Variants in ABCA8 observed in about 807,000 individuals in gnomAD.
The protein encoded by ABCA8 is ABC-type organic anion transporter ABCA8.
In ABCA8, 177 loss-of-function variants were observed where a neutral mutation model predicts 192.3. The observed-to-expected ratio is 0.92, with a 90% CI of 0.81 to 1.04. ABCA8 has a LOEUF of 1.04. Among genes scored for constraint, ABCA8 ranks in the 50% least tolerant of loss-of-function variants. ABCA8 has a pLI of 0.00. For missense variants in ABCA8, 1,915 were observed against 1,904.8 expected (o/e 1.01, Z -0.10); for synonymous variants, 642 against 690.2 (o/e 0.93, Z 1.09).
chr17:68,919,173 A>T, intron 14 of ABCA8, 128 bp downstream of exon 14: 1 of 857,474 alleles, frequency 1.2e-6, no homozygotes, highest in Non-Finnish European at 1.8e-6. Flanking sequence ...GCTATTGTTT[A>T]AATTGGATTT....
At chr17:68,926,012 G>T (rs1477987272) in intron 10 of ABCA8, among the ~76,000 whole-genome samples, 2 of 152,048 alleles carry the variant, frequency 1.3e-5, no homozygotes, top group Admixed American at 6.5e-5. Context: ...AAAAAGCATG[G>T]ATGTGAAAGA....
chr17:68,951,838 G>A (rs566239931), intron 1 of ABCA8, among the ~76,000 whole-genome samples: 4 of 152,230 alleles, frequency 2.6e-5, no homozygotes, highest in East Asian at 1.9e-4. Flanking sequence ...AATGCATTAT[G>A]TTTAGAAATC....
chr17:68,904,625 A>G (rs963560257), intron 19 of ABCA8, among the ~76,000 whole-genome samples: 6 of 152,332 alleles, frequency 3.9e-5, no homozygotes, highest in African/African-American at 1.4e-4. Context: ...GTGGGCTGAT[A>G]TAACTGACTA....
At chr17:68,895,576 T>G (rs2066729754) in intron 21 of ABCA8, among the ~76,000 whole-genome samples, 1 of 152,134 alleles carries the variant, frequency 6.6e-6, no homozygotes, top group African/African-American at 2.4e-5. Flanking sequence ...GTAAGAACAC[T>G]GAGAAATTGT....
intron 14 of ABCA8, among the ~76,000 whole-genome samples, 188 bp from the exon 15 acceptor site, chr17:68,918,734 C>T (rs774634787): frequency 8.5e-5 from 13 of 152,172 alleles, no homozygotes; most frequent in Non-Finnish European, 1.8e-4. Context: ...GAGTTCGAGA[C>T]CAGCCTGGCC....
intron 37 of ABCA8, among the ~76,000 whole-genome samples, chr17:68,872,658 CAT>C (rs1481452080): frequency 6.6e-6 from 1 of 151,744 alleles, no homozygotes; most frequent in Non-Finnish European, 1.5e-5. Context: ...GACAGCTCCA[CAT>C]GTGTCATTGC....
chr17:68,893,901 C>T (rs1331696409), intron 23 of ABCA8: 1 of 126,786 alleles, frequency 7.9e-6, no homozygotes, highest in Non-Finnish European at 1.6e-5. Flanking sequence ...CCCACCCCAC[C>T]ACAGTCCCCA....
intron 17 of ABCA8, among the ~76,000 whole-genome samples, chr17:68,913,437 C>T (rs751179488): frequency 1.3e-5 from 2 of 150,216 alleles, no homozygotes; most frequent in East Asian, 2.0e-4. Flanking sequence ...ATAAACAATA[C>T]AAAAAGTTGA....
In ABCA8 at chr17:68,883,804, C is replaced by A. The variant is rs1450836729; in HGVS notation, c.3694G>T (p.Asp1232Tyr). 1 of 1,585,260 alleles carries A rather than the reference C, an allele frequency of 6.3e-7. No homozygotes were observed. Among genetic ancestry groups the A allele is most frequent in the Non-Finnish European group, 8.6e-7 (1 of 1,167,386 alleles). Reference protein sequence around the residue: ...WKFGKKSMRKDPFFRISPRSS... With the variant: ...WKFGKKSMRKYPFFRISPRSS... ...GTTTTTTCCAACCTAAAGAAAGGATCCTTTCTCATTGATTTCTTTCCAAAC... is the reference window on the plus strand; with the variant it reads ...GTTTTTTCCAACCTAAAGAAAGGATACTTTCTCATTGATTTCTTTCCAAAC... Residue 1232 changes from aspartate (D) to tyrosine (Y), a missense_variant, in exon 29 of 40, where the codon GAT (aspartate) becomes TAT (tyrosine). Asp to Tyr is a radical substitution (Grantham distance 160). Coordinates refer to ENST00000586539, the MANE Select transcript of ABCA8 (RefSeq NM_001288985.2).
intron 11 of ABCA8, among the ~76,000 whole-genome samples, chr17:68,923,209 T>TTA (rs1344255106): frequency 6.6e-4 from 59 of 89,256 alleles, no homozygotes; most frequent in Middle Eastern, 9.8e-3. Context: ...TATTATTATT[T>TTA]TTTTTTTTGA....
intron 23 of ABCA8, 35 bp downstream of exon 23, chr17:68,894,138 G>A: frequency 8.7e-6 from 14 of 1,601,976 alleles, no homozygotes; most frequent in Non-Finnish European, 1.2e-5. Context: ...TCCTGATAGA[G>A]GAGAGTCAGG....
chr17:68,922,410 G>A (rs867567429), intron 11 of ABCA8, 110 bp from the exon 12 acceptor site: 11 of 744,854 alleles, frequency 1.5e-5, no homozygotes, highest in African/African-American at 5.5e-5. Flanking sequence ...GAAGATCTGG[G>A]TCTTCACTCT....
Position 68,867,845 on chromosome 17 carries a change from A to T in ABCA8, c.*240T>A. The T allele has an allele frequency of 2.4e-6, 1 of 408,392 alleles. No homozygotes were observed. 25.3% of individuals were successfully genotyped at this position (408,392 alleles called of 1,614,324 possible). ...AATTTATTTATTCAGTATTATACAG[A>T]ACAATGGAACCAGTATGGCCTGCAG... On this transcript the variant is annotated 3_prime_UTR_variant, in exon 40 of 40. Transcript: ENST00000586539.
At chr17:68,937,609 A>C (rs2068104442) in intron 4 of ABCA8, among the ~76,000 whole-genome samples, 1 of 152,158 alleles carries the variant, frequency 6.6e-6, no homozygotes, top group South Asian at 2.1e-4. Context: ...CACTGAAAGA[A>C]TCCCTCTTTT....
At position 68,887,142 on chromosome 17, in the gene ABCA8, A is replaced by G; in HGVS notation, c.3316-12T>C. On this transcript the variant is annotated splice_polypyrimidine_tract_variant and intron_variant, in intron 25 of 39. Coordinates refer to ENST00000586539, the MANE Select transcript of ABCA8 (RefSeq NM_001288985.2). ...ACAGCACATGGGATCTAAAATCAAC[A>G]GGAATGTGAAGCTTAGTTAAATACA... 1.3e-6 allele frequency: 2 copies of G among 1,551,322 alleles called. No individual in the cohort carries two copies. The highest frequency in any genetic ancestry group is 2.3e-5 in the East Asian group (1 of 44,266).
chr17:68,903,377 A>G lies in ABCA8; in HGVS notation c.2521T>C (p.Trp841Arg). ...GCAATTGCGCAGATTTGCTGTCGCC[A>G]GAGAGCCACACCACCTATTGTCTTT... ...MRKTIGGVAL[W>R]RQQICAIARV... is the part of the protein sequence containing the mutation. Residue 841 changes from tryptophan (W) to arginine (R), a missense_variant, in exon 20 of 40, where the codon TGG becomes CGG. By Grantham distance (101) the Trp-to-Arg change is moderately radical. Coordinates refer to ENST00000586539, the MANE Select transcript of ABCA8 (RefSeq NM_001288985.2). The G allele has an allele frequency of 2.5e-6, 4 of 1,614,224 alleles. No homozygotes were observed. Among genetic ancestry groups the G allele is most frequent in the Non-Finnish European group, 3.4e-6 (4 of 1,180,034 alleles).
chr17:68,883,978 A>T (rs2066397800), intron 28 of ABCA8, 96 bp from the exon 29 acceptor site: 4 of 775,718 alleles, frequency 5.2e-6, no homozygotes, highest in Non-Finnish European at 8.2e-6. Flanking sequence ...AAAAAAATAC[A>T]TTCAGTGAAA....
At chr17:68,950,303 G>A (rs2143820730) in intron 1 of ABCA8, among the ~76,000 whole-genome samples, 1 of 152,210 alleles carries the variant, frequency 6.6e-6, no homozygotes, top group South Asian at 2.1e-4. Context: ...TTCCCATCAA[G>A]CTACCATTGA....
intron 5 of ABCA8, among the ~76,000 whole-genome samples, chr17:68,933,631 C>T (rs1427242924): frequency 6.6e-6 from 1 of 152,094 alleles, no homozygotes; most frequent in Non-Finnish European, 1.5e-5. Context: ...TTCACAGAGC[C>T]TAACATGGAT....
Sources: gnomAD v4.1 joint callset for allele counts (sites outside exome capture counted in the v4.1 genomes callset) on GRCh38, gnomAD v4.1.1 for gene constraint, MANE v1.5 for transcripts, NCBI Gene and HGNC (gene_info 2026-07-23, HGNC 2026-07-21) for gene names.